Variants in CSMD1 observed in about 807,000 individuals in gnomAD.
CSMD1 encodes the protein CUB and sushi domain-containing protein 1.
CSMD1 carries 213 observed loss-of-function variants against 417.5 expected under a neutral mutation model. The ratio of observed to expected loss-of-function variants is 0.51; its 90% CI spans 0.46 to 0.57. The LOEUF is 0.57. Among genes scored for constraint, CSMD1 ranks in the 20% least tolerant of loss-of-function variants. The pLI, the probability that CSMD1 is intolerant of heterozygous loss-of-function variation, is 0.00. For synonymous variants in CSMD1, 2,862 were observed against 1,736.8 expected (o/e 1.65, Z -16.11); for missense variants, 6,923 against 4,529.7 (o/e 1.53, Z -15.17).
At chr8:3,483,754 A>T (rs1329249141) in intron 11 of CSMD1, among the ~76,000 whole-genome samples, 1 of 152,188 alleles carries the variant, frequency 6.6e-6, no homozygotes, top group Non-Finnish European at 1.5e-5. Flanking sequence ...AATATTAGAA[A>T]ACTGAATGCA....
Position 3,278,191 on chromosome 8 carries a change from C to G in CSMD1, c.4153+5953G>C, listed in dbSNP as rs545421549. Among the ~76,000 whole-genome samples the G allele has an allele frequency of 6.6e-5, 10 of 152,090 alleles. No individual in the cohort carries two copies. In the South Asian group the frequency reaches 1.9e-3, roughly 28 times the overall value. On this transcript the variant is annotated intron_variant, in intron 26 of 69. Transcript: ENST00000635120. ...TGAAAAACAACTGAAGAAAGAGTTTCCAGAAGAGAGAGTCAAATAAGTGTT... is the reference window on the plus strand; with the variant it reads ...TGAAAAACAACTGAAGAAAGAGTTTGCAGAAGAGAGAGTCAAATAAGTGTT...
chr8:3,563,442 T>TAAAAA (rs60108067), intron 10 of CSMD1, among the ~76,000 whole-genome samples: 5 of 62,782 alleles, frequency 8.0e-5, no homozygotes, highest in African/African-American at 2.4e-4. Flanking sequence ...TATTAAAAGG[T>TAAAAA]AAAAAAAAAA....
intron 3 of CSMD1, among the ~76,000 whole-genome samples, chr8:4,403,431 G>C (rs183385692): frequency 2.8e-4 from 42 of 152,136 alleles, no homozygotes; most frequent in Admixed American, 5.2e-4. Context: ...TTTCACACCT[G>C]CCATTCGACT....
chr8:3,881,071 T>C (rs1262634694), intron 5 of CSMD1, among the ~76,000 whole-genome samples: 2 of 152,124 alleles, frequency 1.3e-5, no homozygotes, highest in Non-Finnish European at 2.9e-5. Context: ...AAAAATTATA[T>C]AAAAAACTGA....
chr8:4,352,630 G>A (rs143069215), intron 3 of CSMD1, among the ~76,000 whole-genome samples: 14 of 152,284 alleles, frequency 9.2e-5, no homozygotes, highest in East Asian at 3.9e-4. Flanking sequence ...GAGTGACACC[G>A]AGGAGCTTAA....
chr8:4,161,194 C>A (rs557391241), intron 3 of CSMD1, among the ~76,000 whole-genome samples: 1 of 152,044 alleles, frequency 6.6e-6, no homozygotes, highest in Non-Finnish European at 1.5e-5. Flanking sequence ...GTGCTACTTC[C>A]TATCTCATTT....
At chr8:4,183,687 C>T (rs571758716) in intron 3 of CSMD1, among the ~76,000 whole-genome samples, 2 of 152,126 alleles carry the variant, frequency 1.3e-5, no homozygotes, top group African/African-American at 4.8e-5. Context: ...TTGTTGTGAG[C>T]AGAGAAATTT....
chr8:3,343,525 C>A, intron 22 of CSMD1, 75 bp from the exon 23 acceptor site: 3 of 1,294,102 alleles, frequency 2.3e-6, no homozygotes, highest in Middle Eastern at 1.9e-4. Flanking sequence ...ATAAACAATC[C>A]AAATCTTCAA....
chr8:3,910,118 A>T (rs1387841678), intron 5 of CSMD1, among the ~76,000 whole-genome samples: 47 of 152,204 alleles, frequency 3.1e-4, no homozygotes, highest in Non-Finnish European at 1.5e-5. Context: ...TCAACTGTGG[A>T]TAATAACAGT....
chr8:3,658,464 G>GTATATA (rs113956125), intron 7 of CSMD1, among the ~76,000 whole-genome samples: 4,926 of 144,116 alleles, frequency 0.034, 275 homozygotes, highest in African/African-American at 0.11. Context: ...TATATATATT[G>GTATATA]TGTATATATA....
At position 3,091,558 on chromosome 8, in the gene CSMD1, C is replaced by G. The variant is rs775362118; in HGVS notation, c.7243G>C (p.Asp2415His). 3.1e-6 allele frequency: 5 copies of G among 1,609,992 alleles called. No individual in the cohort carries two copies. The highest frequency in any genetic ancestry group is 3.4e-6 in the Non-Finnish European group (4 of 1,179,160). ...AATCCTTTCTTACTGGTGGCATGGTCAGTGGACCAGCGGAGATATAACTGA... is the reference window on the plus strand; with the variant it reads ...AATCCTTTCTTACTGGTGGCATGGTGAGTGGACCAGCGGAGATATAACTGA... The part of the protein sequence containing the change: ...SNQLYLRWST[D>H]HATSKKGFKI... The change falls in exon 48 of 70, where the codon GAC becomes CAC. Residue 2415 changes from aspartate to histidine, a missense_variant. Physicochemically the swap from Asp to His is moderately conservative, Grantham distance 81. Coordinates refer to ENST00000635120, the MANE Select transcript of CSMD1 (RefSeq NM_033225.6).
intron 37 of CSMD1, among the ~76,000 whole-genome samples, chr8:3,165,998 T>C (rs924448405): frequency 3.9e-4 from 60 of 152,050 alleles, no homozygotes; most frequent in African/African-American, 1.4e-3. Context: ...TTGATGAATT[T>C]TTGGTACAGA....
intron 11 of CSMD1, among the ~76,000 whole-genome samples, chr8:3,481,529 T>C (rs1434566732): frequency 6.6e-6 from 1 of 152,204 alleles, no homozygotes; most frequent in East Asian, 1.9e-4. Flanking sequence ...AATCCTGCTC[T>C]CACTCTAATC....
chr8:4,121,264 G>GACA (rs960734998), intron 3 of CSMD1, among the ~76,000 whole-genome samples: 2 of 151,972 alleles, frequency 1.3e-5, no homozygotes, highest in African/African-American at 4.8e-5. Context: ...ACAGGCACCT[G>GACA]ACACCACACC....
rs866692358 is a variant in CSMD1 at position 3,516,311 on chromosome 8, C to A, written c.1345-22585G>T. 6.6e-5 allele frequency among the ~76,000 whole-genome samples: 10 copies of A among 152,174 alleles called. 1 individual carries two copies. The South Asian group carries it at 1.4e-3, about 22-fold the overall frequency. The stretch of plus-strand genomic sequence containing the variant: ...CTAAGTTCTGGGATTATAAAGAATC[C>A]AAAGAAGGTCAACATAGCAGATGAA... On this transcript the variant is annotated intron_variant, in intron 10 of 69. Coordinates refer to ENST00000635120, the MANE Select transcript of CSMD1 (RefSeq NM_033225.6).
intron 50 of CSMD1, chr8:3,043,764 C>T (rs1056326758): frequency 1.3e-5 from 2 of 152,216 alleles, no homozygotes; most frequent in Non-Finnish European, 2.9e-5. Context: ...TTGGACAAAA[C>T]CGTCAGCTCA....
At chr8:4,691,553 C>T (rs1025531699) in intron 1 of CSMD1, among the ~76,000 whole-genome samples, 2 of 152,154 alleles carry the variant, frequency 1.3e-5, no homozygotes, top group African/African-American at 2.4e-5. Context: ...GAGCAAATAC[C>T]ATTTGTTATG....
chr8:3,989,654 A>G (rs1005562221), intron 5 of CSMD1, among the ~76,000 whole-genome samples: 1 of 152,236 alleles, frequency 6.6e-6, no homozygotes, highest in Non-Finnish European at 1.5e-5. Flanking sequence ...TTTATGATGT[A>G]TATGTTTATT....
At chr8:3,976,635 C>G (rs1383394128) in intron 5 of CSMD1, among the ~76,000 whole-genome samples, 1 of 152,174 alleles carries the variant, frequency 6.6e-6, no homozygotes, top group African/African-American at 2.4e-5. Context: ...AACCCTATGA[C>G]CACCCTGATC....
Sources: gnomAD v4.1 joint callset for allele counts (sites outside exome capture counted in the v4.1 genomes callset) on GRCh38, gnomAD v4.1.1 for gene constraint, MANE v1.5 for transcripts, NCBI Gene and HGNC (gene_info 2026-07-23, HGNC 2026-07-21) for gene names.